The following PABPC4L variants were observed in gnomAD, a reference collection of about 807,000 sequenced individuals.
PABPC4L encodes poly(A) binding protein cytoplasmic 4 like.
For synonymous variants in PABPC4L, 169 were observed against 164.1 expected (o/e 1.03, Z -0.23); for missense variants, 452 against 451.4 (o/e 1.00, Z -0.01).
the PABPC4L span, among the ~76,000 whole-genome samples, chr4:134,131,043 A>G: frequency 6.6e-6 from 1 of 152,106 alleles, no homozygotes; most frequent in Non-Finnish European, 1.5e-5. Context: ...GACATACCTT[A>G]AGGTAATAAA....
the PABPC4L span, among the ~76,000 whole-genome samples, chr4:134,024,528 G>T: frequency 6.6e-6 from 1 of 151,928 alleles, no homozygotes; most frequent in Non-Finnish European, 1.5e-5. Context: ...GAGCTGTCTG[G>T]TATCTGTTTC....
chr4:134,024,926 T>G, the PABPC4L span, among the ~76,000 whole-genome samples: 1 of 18,412 alleles, frequency 5.4e-5, no homozygotes, highest in African/African-American at 5.6e-4. Flanking sequence ...TTATGTAATT[T>G]TTTTTTTTTT....
Position 134,200,448 on chromosome 4 carries a change from T to G in PABPC4L, c.572A>C (p.Asn191Thr), listed in dbSNP as rs771651939. The G allele has an allele frequency of 6.4e-7, 1 of 1,551,752 alleles. No homozygotes were observed. Among genetic ancestry groups the G allele is most frequent in the Non-Finnish European group, 8.7e-7 (1 of 1,147,070 alleles). Residue 191 changes from asparagine to threonine, a missense_variant, in exon 2 of 2, where the codon AAT (asparagine) becomes ACT (threonine). By Grantham distance (65) the Asn-to-Thr change is moderately conservative. Transcript: ENST00000421491. ...ELRSKASEFTNVYIKNFGGDM... is the reference protein window; with the variant it reads ...ELRSKASEFTTVYIKNFGGDM... ...ACCTCCAAAGTTTTTTATGTAAACA[T>G]TGGTGAATTCACTGGCTTTGCTTCT...
At chr4:134,163,463 A>G in the PABPC4L span, among the ~76,000 whole-genome samples, 1 of 152,178 alleles carries the variant, frequency 6.6e-6, no homozygotes, top group Non-Finnish European at 1.5e-5. Flanking sequence ...AAAATATTCC[A>G]AAAGACTGAA....
At chr4:134,021,126 CA>C in the PABPC4L span, among the ~76,000 whole-genome samples, 2 of 151,908 alleles carry the variant, frequency 1.3e-5, 1 homozygote, top group Admixed American at 1.3e-4. Flanking sequence ...TTCTTTCCCA[CA>C]AAAAAAGCAA....
the PABPC4L span, among the ~76,000 whole-genome samples, chr4:133,993,950 C>T: frequency 6.7e-6 from 1 of 150,122 alleles, no homozygotes; most frequent in Non-Finnish European, 1.5e-5. Context: ...AATAAATAAA[C>T]AGAGTAAGCA....
the PABPC4L span, among the ~76,000 whole-genome samples, chr4:134,026,564 C>T: frequency 2.0e-5 from 3 of 152,206 alleles, no homozygotes; most frequent in East Asian, 5.8e-4. Flanking sequence ...ACTGCCATAT[C>T]CTTGTGTATT....
Position 134,199,816 on chromosome 4 carries a change from A to G in PABPC4L, c.*91T>C. 1 of 1,435,072 alleles carries G rather than the reference A, an allele frequency of 7.0e-7. No homozygotes were observed. The highest frequency in any genetic ancestry group is 9.3e-7 in the Non-Finnish European group (1 of 1,075,124). The allele number at this position is 1,435,072 out of a possible 1,614,324, so 88.9% of individuals were successfully genotyped here. On this transcript the variant is annotated 3_prime_UTR_variant, in exon 2 of 2. Coordinates refer to ENST00000421491, the MANE Select transcript of PABPC4L (RefSeq NM_001114734.2). ...CTAAACTAAGCACCCATCATGTGGA[A>G]TATGAAATTTACTGAGGTCAATTCA...
chr4:133,976,010 G>A, the PABPC4L span, among the ~76,000 whole-genome samples: 1 of 152,058 alleles, frequency 6.6e-6, no homozygotes, highest in African/African-American at 2.4e-5. Context: ...GTGCAGGTTT[G>A]TTACATAGGT....
the PABPC4L span, among the ~76,000 whole-genome samples, chr4:133,968,212 A>T: frequency 1.3e-5 from 2 of 152,140 alleles, no homozygotes; most frequent in African/African-American, 2.4e-5. Flanking sequence ...TTCCAAATTC[A>T]CCACCTCAGA....
chr4:134,049,047 TGAAG>T, the PABPC4L span, among the ~76,000 whole-genome samples: 1 of 152,026 alleles, frequency 6.6e-6, no homozygotes, highest in Non-Finnish European at 1.5e-5. Context: ...TAGAAAAGAT[TGAAG>T]GAAGAATCCA....
the PABPC4L span, among the ~76,000 whole-genome samples, chr4:133,972,711 G>T: frequency 6.6e-6 from 1 of 152,262 alleles, no homozygotes; most frequent in African/African-American, 2.4e-5. Context: ...ATGCTAGAGT[G>T]AACATATTAT....
chr4:134,065,653 C>T, the PABPC4L span, among the ~76,000 whole-genome samples: 3 of 151,452 alleles, frequency 2.0e-5, no homozygotes, highest in Non-Finnish European at 3.0e-5. Flanking sequence ...TTATTTTTTT[C>T]GCAGTTGTTT....
chr4:134,061,620 C>CAGAGAG, the PABPC4L span, among the ~76,000 whole-genome samples: 404 of 143,432 alleles, frequency 2.8e-3, 3 homozygotes, highest in African/African-American at 4.5e-3. Flanking sequence ...CAAACATACA[C>CAGAGAG]AGAGAGAGAG....
At chr4:133,990,411 A>T in the PABPC4L span, among the ~76,000 whole-genome samples, 3,766 of 152,254 alleles carry the variant, frequency 0.025, 163 homozygotes, top group African/African-American at 0.086. Context: ...TGTCAACTTA[A>T]TTGACAAATA....
the PABPC4L span, among the ~76,000 whole-genome samples, chr4:134,021,498 A>T: frequency 6.6e-6 from 1 of 152,186 alleles, no homozygotes; most frequent in Non-Finnish European, 1.5e-5. Context: ...CCTGGGACAG[A>T]AAGTAAACAT....
At chr4:133,970,505 G>A in the PABPC4L span, among the ~76,000 whole-genome samples, 1 of 152,106 alleles carries the variant, frequency 6.6e-6, no homozygotes, top group Non-Finnish European at 1.5e-5. Context: ...GGCTATCTTA[G>A]AGGCACTTTT....
the PABPC4L span, among the ~76,000 whole-genome samples, chr4:134,020,212 A>G: frequency 6.6e-6 from 1 of 152,046 alleles, no homozygotes; most frequent in African/African-American, 2.4e-5. Context: ...AAGTAGTGAA[A>G]GTACAGCTAT....
chr4:134,086,219 T>C, the PABPC4L span, among the ~76,000 whole-genome samples: 1 of 152,058 alleles, frequency 6.6e-6, no homozygotes, highest in Non-Finnish European at 1.5e-5. Flanking sequence ...TTTTGAAAAG[T>C]AAATATTTAC....
Sources: allele counts gnomAD v4.1 joint callset (sites outside exome capture counted in the v4.1 genomes callset), GRCh38; gene constraint gnomAD v4.1.1; transcripts MANE v1.5; gene names NCBI Gene and HGNC (gene_info 2026-07-23, HGNC 2026-07-21).